The following PTPRD variants were observed in gnomAD, a reference collection of about 807,000 sequenced individuals.
PTPRD encodes the protein protein tyrosine phosphatase receptor type D.
In PTPRD, 34 loss-of-function variants were observed where a neutral mutation model predicts 214.5. The ratio of observed to expected loss-of-function variants is 0.16; its 90% CI spans 0.12 to 0.21. PTPRD has a LOEUF of 0.21. Among genes scored for constraint, PTPRD ranks in the 10% least tolerant of loss-of-function variants. The pLI is 1.00. For missense variants in PTPRD, 2,545 were observed against 2,398.7 expected (o/e 1.06, Z -1.27); for synonymous variants, 1,128 against 845.7 (o/e 1.33, Z -5.79).
intron 4 of PTPRD, among the ~76,000 whole-genome samples, chr9:9,957,413 C>T (rs1359842573): frequency 6.6e-6 from 1 of 151,496 alleles, no homozygotes. Context: ...ATTAATGTTT[C>T]AAAGGAAAAA....
chr9:8,873,673 T>C (rs1467403047), intron 11 of PTPRD, among the ~76,000 whole-genome samples: 3 of 152,176 alleles, frequency 2.0e-5, no homozygotes, highest in African/African-American at 7.2e-5. Context: ...CTTTAATCAA[T>C]AGTGACAAAA....
intron 9 of PTPRD, among the ~76,000 whole-genome samples, chr9:9,357,651 G>C: frequency 6.6e-6 from 1 of 150,732 alleles, no homozygotes; most frequent in East Asian, 2.0e-4. Flanking sequence ...TAGGTCTTTT[G>C]GCTATAAGGT....
intron 2 of PTPRD, among the ~76,000 whole-genome samples, chr9:10,548,764 TG>T (rs2060689256): frequency 6.6e-6 from 1 of 152,060 alleles, no homozygotes. Context: ...TGCTGGGAGA[TG>T]TGTGCACTCC....
At chr9:10,116,322 G>T (rs1477122559) in intron 3 of PTPRD, among the ~76,000 whole-genome samples, 1 of 151,896 alleles carries the variant, frequency 6.6e-6, no homozygotes, top group African/African-American at 2.4e-5. Context: ...ATAGACAAAT[G>T]GTTATTAACT....
chr9:8,741,891 G>A (rs965495962), intron 11 of PTPRD, among the ~76,000 whole-genome samples: 4 of 151,832 alleles, frequency 2.6e-5, no homozygotes, highest in Non-Finnish European at 5.9e-5. Context: ...GCCTGACCGG[G>A]CATTTCTTTT....
At chr9:8,928,947 G>A (rs1013804128) in intron 11 of PTPRD, among the ~76,000 whole-genome samples, 2 of 152,034 alleles carry the variant, frequency 1.3e-5, no homozygotes, top group Admixed American at 1.3e-4. Flanking sequence ...TATTCTCTTT[G>A]TAGCAATTGT....
intron 5 of PTPRD, among the ~76,000 whole-genome samples, chr9:9,918,543 G>GA (rs35366845): frequency 1.5e-3 from 222 of 151,670 alleles, no homozygotes; most frequent in Non-Finnish European, 2.8e-3. Context: ...CAAATAAATA[G>GA]AAAAAAAATC....
At chr9:9,472,836 T>C (rs1183797419) in intron 8 of PTPRD, among the ~76,000 whole-genome samples, 1 of 152,196 alleles carries the variant, frequency 6.6e-6, no homozygotes, top group African/African-American at 2.4e-5. Context: ...ACTTTTATTC[T>C]CTTATTTTTA....
chr9:9,238,723 A>T (rs2130811707), intron 9 of PTPRD, among the ~76,000 whole-genome samples: 1 of 152,152 alleles, frequency 6.6e-6, no homozygotes, highest in African/African-American at 2.4e-5. Flanking sequence ...GGTATATTCT[A>T]AAACAATTAC....
intron 2 of PTPRD, among the ~76,000 whole-genome samples, chr9:10,584,255 T>A (rs1007357366): frequency 6.6e-6 from 1 of 151,990 alleles, no homozygotes; most frequent in Non-Finnish European, 1.5e-5. Context: ...TGAAAAAGCA[T>A]AAGCCTAGGA....
intron 4 of PTPRD, among the ~76,000 whole-genome samples, chr9:9,959,795 T>C (rs1173751199): frequency 6.6e-6 from 1 of 152,148 alleles, no homozygotes; most frequent in Non-Finnish European, 1.5e-5. Flanking sequence ...GAACCAGCAG[T>C]GAGCTTTTTC....
intron 9 of PTPRD, among the ~76,000 whole-genome samples, chr9:9,262,332 A>T (rs535633674): frequency 6.6e-6 from 1 of 150,842 alleles, no homozygotes; most frequent in East Asian, 2.0e-4. Context: ...TGGTATGCTA[A>T]AAATAGTACA....
At chr9:9,416,464 G>A (rs1006222336) in intron 8 of PTPRD, among the ~76,000 whole-genome samples, 1 of 152,100 alleles carries the variant, frequency 6.6e-6, no homozygotes, top group African/African-American at 2.4e-5. Flanking sequence ...TATATAAATT[G>A]ATAACACTGC....
At chr9:9,356,610 T>G (rs1372642479) in intron 9 of PTPRD, among the ~76,000 whole-genome samples, 2 of 151,340 alleles carry the variant, frequency 1.3e-5, no homozygotes, top group Non-Finnish European at 3.0e-5. Flanking sequence ...GAAAAAGTAG[T>G]GATGGGGAGA....
rs141720252 is a variant in PTPRD at position 8,621,676 on chromosome 9, C to A, written c.352+11641G>T. On this transcript the variant is annotated intron_variant, in intron 14 of 45. Coordinates refer to ENST00000381196, the MANE Select transcript of PTPRD (RefSeq NM_002839.4). ...AGCCAGTGAGTGTTAACTTTATTAA[C>A]GCATCTTTGCAACTAAGATTAATGG... Among the ~76,000 whole-genome samples, 389 of 151,732 alleles carry A rather than the reference C, an allele frequency of 2.6e-3. 8 individuals are homozygous for A. The East Asian group carries it at 0.049, about 19-fold the overall frequency.
intron 7 of PTPRD, among the ~76,000 whole-genome samples, chr9:9,657,035 T>C (rs983010485): frequency 1.2e-4 from 18 of 152,174 alleles, no homozygotes; most frequent in African/African-American, 3.9e-4. Context: ...ATGCACTCAA[T>C]AAATAACAAC....
chr9:10,051,655 G>A (rs2097537780), intron 3 of PTPRD, among the ~76,000 whole-genome samples: 1 of 150,508 alleles, frequency 6.6e-6, no homozygotes, highest in East Asian at 2.0e-4. Context: ...CTGTGTCCAT[G>A]TGTTCTCATT....
At chr9:9,619,210 C>G (rs1926665) in intron 7 of PTPRD, among the ~76,000 whole-genome samples, 31,621 of 151,810 alleles carry the variant, frequency 0.21, 3,849 homozygotes, top group Non-Finnish European at 0.28. Context: ...AAGGTGACAG[C>G]TATAGTCAAG....
At chr9:8,995,086 G>C (rs950530600) in intron 11 of PTPRD, among the ~76,000 whole-genome samples, 28 of 152,016 alleles carry the variant, frequency 1.8e-4, no homozygotes, top group African/African-American at 6.3e-4. Context: ...AATGGAATGA[G>C]AGAAGCTCTA....
Sources: allele counts gnomAD v4.1 joint callset (sites outside exome capture counted in the v4.1 genomes callset), GRCh38; gene constraint gnomAD v4.1.1; transcripts MANE v1.5; gene names NCBI Gene and HGNC (gene_info 2026-07-23, HGNC 2026-07-21).